GPR143: variants seen among roughly 807,000 people sequenced by gnomAD.
GPR143 encodes the protein G-protein coupled receptor 143.
GPR143 carries 8 observed loss-of-function variants against 27.6 expected under a neutral mutation model. The observed-to-expected ratio is 0.29, with a 90% confidence interval of 0.17 to 0.52. The LOEUF is 0.52. Among genes scored for constraint, GPR143 ranks in the 20% least tolerant of loss-of-function variants. The pLI is 0.96. For synonymous variants in GPR143, 156 were observed against 153.2 expected, an observed-to-expected ratio of 1.02 and a Z score of -0.13; for missense variants, 303 against 343.1, an observed-to-expected ratio of 0.88 and a Z score of 0.92.
chrX:9,730,459 T>C (rs909147455), intron 8 of GPR143, among the ~76,000 whole-genome samples: 16 of 111,870 alleles, frequency 1.4e-4, no homozygotes, highest in Admixed American at 9.5e-5. Flanking sequence ...GTGTTACTTT[T>C]AGGGAGAGGG....
chrX:9,735,062 C>T (rs1446019657), intron 8 of GPR143, among the ~76,000 whole-genome samples: 3 of 112,572 alleles, frequency 2.7e-5, no homozygotes, highest in Admixed American at 9.3e-5. Context: ...ACAATGGTGA[C>T]GGGGCGTGGA....
At chrX:9,770,344 AG>A (rs2146708766), upstream of GPR143, among the ~76,000 whole-genome samples, 1 of 104,885 alleles carries the variant, frequency 9.5e-6, no homozygotes, top group East Asian at 3.0e-4. Context: ...AGAGAGAGAG[AG>A]AGAGAGAGAG....
At chrX:9,733,223 CATT>C (rs1194490321) in intron 8 of GPR143, among the ~76,000 whole-genome samples, 1 of 110,876 alleles carries the variant, frequency 9.0e-6, no homozygotes, top group Non-Finnish European at 1.9e-5. Flanking sequence ...AAATGCAAGG[CATT>C]ATAGAAAATT....
chrX:9,728,083 C>T (rs934156454), intron 8 of GPR143, among the ~76,000 whole-genome samples: 2 of 112,396 alleles, frequency 1.8e-5, no homozygotes, highest in African/African-American at 6.5e-5. Flanking sequence ...TGGCACGTCC[C>T]ACTACCTGGC....
chrX:9,729,460 G>C (rs1000732689), intron 8 of GPR143, among the ~76,000 whole-genome samples: 8 of 111,440 alleles, frequency 7.2e-5, no homozygotes, highest in African/African-American at 2.6e-4. Context: ...CCTCTCCCTA[G>C]GGCTCCATGG....
intron 3 of GPR143, among the ~76,000 whole-genome samples, chrX:9,758,169 G>A (rs1359661283): frequency 2.7e-5 from 3 of 111,447 alleles, no homozygotes; most frequent in Non-Finnish European, 5.7e-5. Context: ...GGGGGCAAAT[G>A]CTTCCTGGAT....
chrX:9,748,430 G>A (rs938656411), intron 4 of GPR143, 144 bp downstream of exon 4: 11 of 508,631 alleles, frequency 2.2e-5, no homozygotes, highest in African/African-American at 6.9e-5. Flanking sequence ...GGGCTGGGCC[G>A]TGAGCATGGC....
intron 3 of GPR143, among the ~76,000 whole-genome samples, chrX:9,750,965 C>G (rs2083448941): frequency 8.9e-6 from 1 of 112,748 alleles, no homozygotes; most frequent in African/African-American, 3.2e-5. Context: ...TCGCCAGGTG[C>G]TCCTCCCAGC....
In GPR143 at chrX:9,765,830, C is replaced by T. The variant is rs756913425; in HGVS notation, c.-13G>A. On this transcript the variant is annotated 5_prime_UTR_variant, in exon 1 of 9. Coordinates refer to ENST00000467482, the MANE Select transcript of GPR143 (RefSeq NM_000273.3). Reference sequence around the variant, plus strand: ...GCGGGGAGGCCATGGGCTGTGTTCGCGGACGCGGCTCGGGTGTGCCAGGAC... The same window carrying T: ...GCGGGGAGGCCATGGGCTGTGTTCGTGGACGCGGCTCGGGTGTGCCAGGAC... The T allele has an allele frequency of 5.4e-5, 58 of 1,079,612 alleles. No individual in the cohort carries two copies. Among genetic ancestry groups the T allele is most frequent in the Non-Finnish European group, 6.4e-5 (53 of 832,838 alleles). The allele number at this position is 1,079,612 out of a possible 1,213,427, so 89.0% of individuals were successfully genotyped here.
At chrX:9,770,573 A>T (rs914820887), upstream of GPR143, among the ~76,000 whole-genome samples, 1 of 110,354 alleles carries the variant, frequency 9.1e-6, no homozygotes, top group Admixed American at 9.7e-5. Context: ...TGAGAGAGGA[A>T]GCAGGAAGTC....
chrX:9,759,458 C>A (rs1569123799), intron 2 of GPR143, 32 bp from the exon 3 acceptor site: 1 of 999,480 alleles, frequency 1.0e-6, no homozygotes, highest in East Asian at 3.2e-5. Flanking sequence ...ATCAAAATGT[C>A]TGGAAACAGG....
At chrX:9,762,093 A>G (rs1482787969) in intron 1 of GPR143, among the ~76,000 whole-genome samples, 1 of 106,735 alleles carries the variant, frequency 9.4e-6, no homozygotes, top group Non-Finnish European at 1.9e-5. Context: ...TGTCAAAAAG[A>G]AAAGAAAAGT....
chrX:9,759,322 C>T lies in GPR143; in HGVS notation c.455+10G>A, dbSNP rs746336091. The T allele has an allele frequency of 1.3e-5, 14 of 1,097,596 alleles. No homozygotes were observed. Among genetic ancestry groups the T allele is most frequent in the Admixed American group, 2.3e-5 (1 of 43,549 alleles). 90.5% of individuals were successfully genotyped at this position (1,097,596 alleles called of 1,213,427 possible). ...AACTAGGGCAGAAATCCCATTTCCTCGGTGAATACCTCAGTCCTGCCGATC... is the reference window on the plus strand; with the variant it reads ...AACTAGGGCAGAAATCCCATTTCCTTGGTGAATACCTCAGTCCTGCCGATC... On this transcript the variant is annotated intron_variant, in intron 3 of 8. Transcript: ENST00000467482.
chrX:9,754,425 A>C, intron 3 of GPR143, among the ~76,000 whole-genome samples: 1 of 110,871 alleles, frequency 9.0e-6, no homozygotes, highest in Middle Eastern at 4.7e-3. Context: ...TCTGTATGAG[A>C]CTCAGATAAC....
intron 4 of GPR143, chrX:9,748,040 A>G (rs914631252): frequency 2.5e-5 from 3 of 118,297 alleles, no homozygotes; most frequent in African/African-American, 9.7e-5. Flanking sequence ...ACTTGAGGAA[A>G]TGCTTGAGAC....
intron 1 of GPR143, 131 bp from the exon 2 acceptor site, chrX:9,760,957 AGGAG>A (rs2083496341): frequency 9.2e-6 from 4 of 436,419 alleles, no homozygotes; most frequent in South Asian, 3.4e-5. Flanking sequence ...AAGGAAGGAA[AGGAG>A]GGAGGGAGAG....
At chrX:9,773,480 TACACACAC>T (rs57491053) in intron 1 of GPR143, among the ~76,000 whole-genome samples, 12,680 of 102,178 alleles carry the variant, frequency 0.12, 706 homozygotes, top group Middle Eastern at 0.23. Flanking sequence ...GCTTTGAAAG[TACACACAC>T]ACACACACAC....
At chrX:9,751,186 G>A (rs912167204) in intron 3 of GPR143, among the ~76,000 whole-genome samples, 1 of 112,745 alleles carries the variant, frequency 8.9e-6, no homozygotes, top group Non-Finnish European at 1.9e-5. Context: ...CCAGGTGGAC[G>A]TCAGGCCTGG....
intron 1 of GPR143, among the ~76,000 whole-genome samples, chrX:9,771,705 C>CT (rs1288480180): frequency 0.074 from 2,787 of 37,461 alleles, 113 homozygotes; most frequent in African/African-American, 0.22. Flanking sequence ...ATGGAGCATT[C>CT]TCTCTCTTTT....
Sources: allele counts gnomAD v4.1 joint callset (sites outside exome capture counted in the v4.1 genomes callset), GRCh38; gene constraint gnomAD v4.1.1; transcripts MANE v1.5; gene names NCBI Gene and HGNC (gene_info 2026-07-23, HGNC 2026-07-21).